The following GABBR2 variants were observed in gnomAD, a reference collection of about 807,000 sequenced individuals.
GABBR2 encodes G-protein coupled receptor 51.
Under a neutral mutation model 105.6 loss-of-function variants are expected in GABBR2, and 23 were observed. That is an observed-to-expected ratio of 0.22 (90% CI 0.16 to 0.31). The LOEUF is 0.31. Among genes scored for constraint, GABBR2 ranks in the 10% least tolerant of loss-of-function variants. GABBR2 has a pLI of 1.00. For synonymous variants in GABBR2, 478 were observed against 499.7 expected (o/e 0.96, Z 0.58); for missense variants, 734 against 1,245.5 (o/e 0.59, Z 6.18).
chr9:98,604,392 G>C (rs1220228123), intron 1 of GABBR2, among the ~76,000 whole-genome samples: 1 of 152,136 alleles, frequency 6.6e-6, no homozygotes, highest in Non-Finnish European at 1.5e-5. Context: ...CAGTGTCTTG[G>C]TCTCTGCTCC....
intron 8 of GABBR2, among the ~76,000 whole-genome samples, chr9:98,398,906 C>T (rs1177702244): frequency 3.9e-5 from 6 of 152,140 alleles, no homozygotes; most frequent in Non-Finnish European, 5.9e-5. Flanking sequence ...CCCTGGGGTA[C>T]AGTAACTGCC....
At chr9:98,690,102 A>G (rs1319588475) in intron 1 of GABBR2, among the ~76,000 whole-genome samples, 1 of 152,168 alleles carries the variant, frequency 6.6e-6, no homozygotes, top group African/African-American at 2.4e-5. Context: ...TCAGACACCT[A>G]TCACAGCAGG....
At chr9:98,685,583 T>C (rs1184085139) in intron 1 of GABBR2, among the ~76,000 whole-genome samples, 3 of 152,254 alleles carry the variant, frequency 2.0e-5, no homozygotes, top group Admixed American at 1.3e-4. Context: ...GATGTCTATC[T>C]CCCCACTAGA....
chr9:98,549,625 C>G (rs2131747101), intron 2 of GABBR2, among the ~76,000 whole-genome samples: 1 of 152,290 alleles, frequency 6.6e-6, no homozygotes, highest in Non-Finnish European at 1.5e-5. Context: ...ATAAGACTGC[C>G]CAGCTCATCC....
At chr9:98,418,474 G>A (rs1204033621) in intron 7 of GABBR2, among the ~76,000 whole-genome samples, 2 of 152,254 alleles carry the variant, frequency 1.3e-5, no homozygotes, top group South Asian at 4.1e-4. Flanking sequence ...GGTCAGGGCT[G>A]CAGTGAGCTA....
chr9:98,313,437 G>C (rs1349767274), intron 13 of GABBR2, among the ~76,000 whole-genome samples: 1 of 152,130 alleles, frequency 6.6e-6, no homozygotes, highest in Non-Finnish European at 1.5e-5. Context: ...CCGAGTTCTT[G>C]CTTGCCTTCC....
intron 1 of GABBR2, chr9:98,607,747 T>A: frequency 1.3e-6 from 1 of 776,090 alleles, no homozygotes; most frequent in Non-Finnish European, 2.4e-6. Context: ...CTATGAGAAC[T>A]ACAGAAGCAG....
chr9:98,604,088 A>G (rs1050766874), intron 1 of GABBR2, among the ~76,000 whole-genome samples: 14 of 152,334 alleles, frequency 9.2e-5, no homozygotes, highest in African/African-American at 2.9e-4. Flanking sequence ...GATGCAGACC[A>G]CTGCGTCAGA....
rs538971838 is a variant in GABBR2 at position 98,559,975 on chromosome 9, A to C, written c.460-17932T>G. 3.4e-3 allele frequency among the ~76,000 whole-genome samples: 508 copies of C among 150,382 alleles called. 2 individuals are homozygous for C. Among genetic ancestry groups the C allele is most frequent in the Non-Finnish European group, 5.7e-3 (387 of 67,466 alleles). ...GCATAAAAAGAAGAAATGAGGAACA[A>C]ACACACACACACACACACACTCACA... On this transcript the variant is annotated intron_variant, in intron 2 of 18. Transcript: ENST00000259455.
chr9:98,531,774 T>C (rs147062208), intron 3 of GABBR2, among the ~76,000 whole-genome samples: 37 of 152,336 alleles, frequency 2.4e-4, no homozygotes, highest in African/African-American at 8.7e-4. Flanking sequence ...ATTCTTGACA[T>C]TGATCAAATG....
chr9:98,306,609 A>C lies in GABBR2; in HGVS notation c.2005-264T>G. 1 of 516,474 alleles carries C rather than the reference A, an allele frequency of 1.9e-6. No homozygotes were observed. The highest frequency in any genetic ancestry group is 3.5e-6 in the Non-Finnish European group (1 of 284,096). The allele number at this position is 516,474 out of a possible 1,614,324, so 32.0% of individuals were successfully genotyped here. The stretch of plus-strand genomic sequence containing the variant: ...ACCCCTATGACTGGTTCATGCACAG[A>C]CCTGCCCAAGGCTACAGTGGAAGGG... On this transcript the variant is annotated intron_variant, in intron 14 of 18. Coordinates refer to ENST00000259455, the MANE Select transcript of GABBR2 (RefSeq NM_005458.8). The surrounding 1 kb of genome is among the most constrained non-coding windows in gnomAD (Gnocchi z 5.4).
chr9:98,550,059 G>A (rs570621100), intron 2 of GABBR2, among the ~76,000 whole-genome samples: 103 of 152,320 alleles, frequency 6.8e-4, no homozygotes, highest in Non-Finnish European at 1.3e-3. Context: ...TCATCCTGGA[G>A]CGTCAAGATA....
In GABBR2 at chr9:98,475,282, T is replaced by C. The variant is rs142146504; in HGVS notation, c.799-1936A>G. ...TTTAATTACCTAACAAAATCCCAGC[T>C]GAAGAAAAGCAGGCAGTCTCCGGGG... On this transcript the variant is annotated intron_variant, in intron 5 of 18. Coordinates refer to ENST00000259455, the MANE Select transcript of GABBR2 (RefSeq NM_005458.8). Among the ~76,000 whole-genome samples the C allele has an allele frequency of 1.1e-3, 160 of 151,374 alleles. 2 individuals carry two copies. Among genetic ancestry groups the C allele is most frequent in the African/African-American group, 3.6e-3 (150 of 41,100 alleles).
intron 8 of GABBR2, among the ~76,000 whole-genome samples, chr9:98,395,030 A>G (rs919752065): frequency 6.6e-6 from 1 of 152,038 alleles, no homozygotes; most frequent in African/African-American, 2.4e-5. Context: ...GTGCATTCAA[A>G]TTTACTCTCA....
chr9:98,436,634 G>T (rs932289829), intron 7 of GABBR2, among the ~76,000 whole-genome samples: 1 of 150,932 alleles, frequency 6.6e-6, no homozygotes, highest in Admixed American at 6.6e-5. Flanking sequence ...TCCATGCCCC[G>T]TGCTCCTCCT....
At chr9:98,347,871 G>C (rs1403610937) in intron 13 of GABBR2, among the ~76,000 whole-genome samples, 1 of 152,086 alleles carries the variant, frequency 6.6e-6, no homozygotes, top group Admixed American at 6.5e-5. Flanking sequence ...AATCATGGGG[G>C]CAATTTCCCC....
chr9:98,454,529 GC>G lies in GABBR2; in HGVS notation c.1000-313del, dbSNP rs1319540854. On this transcript the variant is annotated intron_variant, in intron 6 of 18. Coordinates refer to ENST00000259455, the MANE Select transcript of GABBR2 (RefSeq NM_005458.8). This position sits in a 1 kb window ranked among gnomAD's most constrained non-coding sequence, Gnocchi z 4.6. ...AGAGGGGATAATACACCCTAACCAGGCCTTTGCCTCTAAACTTGCAGGGCCT... is the reference window on the plus strand; with the variant it reads ...AGAGGGGATAATACACCCTAACCAGGCTTTGCCTCTAAACTTGCAGGGCCT... 6.6e-6 allele frequency among the ~76,000 whole-genome samples: 1 copy of G among 152,180 alleles called. No homozygotes were observed. The highest frequency in any genetic ancestry group is 2.4e-5 in the African/African-American group (1 of 41,462).
At chr9:98,408,364 A>G (rs1474807366) in intron 7 of GABBR2, among the ~76,000 whole-genome samples, 1 of 152,182 alleles carries the variant, frequency 6.6e-6, no homozygotes, top group African/African-American at 2.4e-5. Flanking sequence ...GCTGATGGAG[A>G]CACGGATGTG....
chr9:98,594,924 G>T (rs561670885), intron 1 of GABBR2, among the ~76,000 whole-genome samples: 117 of 152,322 alleles, frequency 7.7e-4, no homozygotes, highest in African/African-American at 2.6e-3. Flanking sequence ...TCTCTTTCAG[G>T]CTGAGATCTG....
Sources: gnomAD v4.1 joint callset for allele counts (sites outside exome capture counted in the v4.1 genomes callset) on GRCh38, gnomAD v4.1.1 for gene constraint, Gnocchi (gnomAD v3.1) non-coding constraint, MANE v1.5 for transcripts, NCBI Gene and HGNC (gene_info 2026-07-23, HGNC 2026-07-21) for gene names.